Variants in WLS observed in about 807,000 individuals in gnomAD.
The protein encoded by WLS is Wnt ligand secretion mediator, also known as protein wntless homolog.
In WLS, 23 loss-of-function variants were observed where a neutral mutation model predicts 62.8. The observed-to-expected ratio is 0.37, with a 90% CI of 0.26 to 0.52. WLS has a LOEUF of 0.52. Ranked by LOEUF, WLS falls within the 20% of genes least tolerant of loss-of-function variation. WLS has a pLI of 0.92. For synonymous variants in WLS, 246 were observed against 244.1 expected (o/e 1.01, Z -0.07); for missense variants, 615 against 697.3 (o/e 0.88, Z 1.33).
intron 11 of WLS, among the ~76,000 whole-genome samples, chr1:68,129,099 C>G (rs12564580): frequency 0.31 from 47,477 of 151,922 alleles, 7,987 homozygotes; most frequent in East Asian, 0.4. Context: ...CTGACGGCGG[C>G]GGATCACTTG....
chr1:68,144,443 G>A, intron 10 of WLS, 126 bp downstream of exon 10: 1 of 821,578 alleles, frequency 1.2e-6, no homozygotes, highest in Non-Finnish European at 1.8e-6. Flanking sequence ...GAAAAATATG[G>A]CTTGACCAGC....
At chr1:68,231,912 T>A in intron 1 of WLS, 1 of 468,024 alleles carries the variant, frequency 2.1e-6, no homozygotes, top group East Asian at 5.7e-5. Flanking sequence ...CCTCGCGCGA[T>A]CCGTCGCCAT....
intron 2 of WLS, among the ~76,000 whole-genome samples, chr1:68,187,490 T>C (rs59279573): frequency 0.17 from 25,743 of 151,982 alleles, 2,377 homozygotes; most frequent in East Asian, 0.34. Context: ...AATAAGACAT[T>C]AATATTTATA....
chr1:68,109,068 T>C (rs1646185979), intron 11 of WLS, among the ~76,000 whole-genome samples: 1 of 152,254 alleles, frequency 6.6e-6, no homozygotes, highest in South Asian at 2.1e-4. Context: ...GTACCACTTA[T>C]GCACTACCAC....
chr1:68,218,134 C>T (rs933516099), intron 1 of WLS, among the ~76,000 whole-genome samples: 3 of 152,096 alleles, frequency 2.0e-5, no homozygotes, highest in African/African-American at 7.2e-5. Flanking sequence ...TGAGCCTCTG[C>T]TAAGTAGGCT....
chr1:68,107,779 A>G (rs1161452462), intron 11 of WLS, among the ~76,000 whole-genome samples: 2 of 152,134 alleles, frequency 1.3e-5, no homozygotes, highest in Non-Finnish European at 2.9e-5. Context: ...CACAGAAGGG[A>G]AATGAGACAT....
At position 68,147,998 on chromosome 1, in the gene WLS, G is replaced by A; in HGVS notation, c.1134+138C>T. 7.9e-6 allele frequency: 7 copies of A among 880,588 alleles called. No homozygotes were observed. In the South Asian group the frequency reaches 1.1e-4, roughly 14 times the overall value. 54.5% of individuals were successfully genotyped at this position (880,588 alleles called of 1,614,324 possible). A position where few individuals can be genotyped will look rare whatever the true frequency, so the allele number is the denominator to read the frequency against. On this transcript the variant is annotated intron_variant, in intron 8 of 11. Transcript: ENST00000262348. ...ATTCTTCTTATTATTAGCCTTAATT[G>A]TGCTGTTATGATTGGCCTGAGAATC...
At chr1:68,133,357 A>T (rs985299472) in intron 11 of WLS, among the ~76,000 whole-genome samples, 1 of 152,134 alleles carries the variant, frequency 6.6e-6, no homozygotes, top group African/African-American at 2.4e-5. Flanking sequence ...CTCCCGCAGC[A>T]CCTATCTGCT....
At chr1:68,107,912 C>T (rs557418603) in intron 11 of WLS, among the ~76,000 whole-genome samples, 1 of 152,202 alleles carries the variant, frequency 6.6e-6, no homozygotes, top group African/African-American at 2.4e-5. Context: ...AGCACACTCC[C>T]CAGTGTGGCA....
chr1:68,161,703 CTATCTCTTGGTCCCAAATG>C, intron 2 of WLS: 4 of 1,312,712 alleles, frequency 3.0e-6, no homozygotes, highest in African/African-American at 2.9e-5. Flanking sequence ...TCATTTTTCA[CTATCTCTTGGTCCCAAATG>C]TATCTGAATG....
At chr1:68,140,820 C>G (rs941071464) in intron 10 of WLS, among the ~76,000 whole-genome samples, 1 of 152,124 alleles carries the variant, frequency 6.6e-6, no homozygotes, top group Non-Finnish European at 1.5e-5. Context: ...CTAAGACATC[C>G]TCAGCTCTGA....
At chr1:68,138,344 T>C (rs1205114273) in intron 10 of WLS, 1 of 184,670 alleles carries the variant, frequency 5.4e-6, no homozygotes, top group South Asian at 1.3e-4. Flanking sequence ...TGCTGCCATG[T>C]CTTTAAGGCC....
intron 1 of WLS, among the ~76,000 whole-genome samples, chr1:68,221,049 A>G (rs1649920519): frequency 6.6e-6 from 1 of 152,246 alleles, no homozygotes; most frequent in South Asian, 2.1e-4. Flanking sequence ...ATGCTAATTA[A>G]AAGATGACCT....
At chr1:68,108,473 G>GTA (rs373198172) in intron 11 of WLS, among the ~76,000 whole-genome samples, 5 of 152,116 alleles carry the variant, frequency 3.3e-5, no homozygotes, top group African/African-American at 1.2e-4. Flanking sequence ...CTAAGGCAGT[G>GTA]TACCCACTCC....
intron 4 of WLS, 123 bp from the exon 5 acceptor site, chr1:68,153,776 T>A: frequency 1.5e-6 from 2 of 1,312,804 alleles, no homozygotes; most frequent in Non-Finnish European, 2.1e-6. Context: ...GATCAAGAGC[T>A]TTCACATTCA....
intron 9 of WLS, 120 bp from the exon 10 acceptor site, chr1:68,144,772 A>G (rs1646731687): frequency 2.7e-6 from 2 of 751,154 alleles, no homozygotes; most frequent in Non-Finnish European, 4.2e-6. Flanking sequence ...TAAGAATGAC[A>G]GTAAAATAGT....
intron 1 of WLS, among the ~76,000 whole-genome samples, chr1:68,211,382 T>TA (rs891395266): frequency 2.6e-5 from 4 of 151,670 alleles, no homozygotes; most frequent in African/African-American, 9.7e-5. Context: ...AGGTTTTTCT[T>TA]AAAAAACAAC....
At chr1:68,150,468 G>A (rs1324594067) in intron 5 of WLS, 112 bp from the exon 6 acceptor site, 10 of 1,404,288 alleles carry the variant, frequency 7.1e-6, no homozygotes, top group Admixed American at 5.9e-5. Context: ...TGGGTCTGAA[G>A]CCATATGATC....
chr1:68,143,221 C>A (rs1646709818), intron 10 of WLS, among the ~76,000 whole-genome samples: 1 of 152,162 alleles, frequency 6.6e-6, no homozygotes, highest in Non-Finnish European at 1.5e-5. Flanking sequence ...GGAAACTTCC[C>A]AGCAGAATGG....
Sources: gnomAD v4.1 joint callset for allele counts (sites outside exome capture counted in the v4.1 genomes callset) on GRCh38, gnomAD v4.1.1 for gene constraint, MANE v1.5 for transcripts, NCBI Gene and HGNC (gene_info 2026-07-23, HGNC 2026-07-21) for gene names.